The following SLC12A1 variants were observed in gnomAD, a reference collection of about 807,000 sequenced individuals.
The protein encoded by SLC12A1 is Na-K-2Cl cotransporter.
Under a neutral mutation model 130.4 loss-of-function variants are expected in SLC12A1, and 89 were observed. That is an observed-to-expected ratio of 0.68 (90% CI 0.58 to 0.81). SLC12A1 has a LOEUF of 0.81. SLC12A1 is among the 40% of genes least tolerant of loss of function. The pLI, the probability that SLC12A1 is intolerant of heterozygous loss-of-function variation, is 0.00. For synonymous variants in SLC12A1, 499 were observed against 460.0 expected (o/e 1.08, Z -1.09); for missense variants, 1,310 against 1,336.4 (o/e 0.98, Z 0.31).
intron 17 of SLC12A1, 147 bp from the exon 18 acceptor site, chr15:48,267,414 G>A: frequency 1.2e-6 from 1 of 811,400 alleles, no homozygotes; most frequent in Non-Finnish European, 1.9e-6. Context: ...GGCTGAATCT[G>A]TGGAACCCTG....
At chr15:48,233,078 G>C (rs1382458936) in intron 8 of SLC12A1, among the ~76,000 whole-genome samples, 1 of 152,160 alleles carries the variant, frequency 6.6e-6, no homozygotes, top group Non-Finnish European at 1.5e-5. Context: ...ATAGGTTTTA[G>C]AACCAGAAAA....
chr15:48,245,264 A>G (rs906762492), intron 11 of SLC12A1, among the ~76,000 whole-genome samples: 3 of 152,184 alleles, frequency 2.0e-5, no homozygotes, highest in Non-Finnish European at 4.4e-5. Flanking sequence ...TTTATTCCAG[A>G]TTCAGGGAGT....
chr15:48,260,422 C>T (rs1245061443), intron 17 of SLC12A1, among the ~76,000 whole-genome samples: 1 of 150,420 alleles, frequency 6.6e-6, no homozygotes, highest in Non-Finnish European at 1.5e-5. Flanking sequence ...TTTTATAGTA[C>T]TTAAGTACTT....
intron 2 of SLC12A1, among the ~76,000 whole-genome samples, chr15:48,220,131 GT>G (rs2041186093): frequency 9.5e-6 from 1 of 105,738 alleles, no homozygotes; most frequent in East Asian, 2.6e-4. Context: ...AAAAAAAAAG[GT>G]AGATAGATAG....
chr15:48,284,732 C>T (rs2042039843), intron 20 of SLC12A1, among the ~76,000 whole-genome samples: 1 of 152,158 alleles, frequency 6.6e-6, no homozygotes, highest in African/African-American at 2.4e-5. Context: ...CTCTACCTCC[C>T]AGGCTCAGGT....
chr15:48,259,769 C>G (rs1481151543), intron 17 of SLC12A1, among the ~76,000 whole-genome samples: 4 of 152,124 alleles, frequency 2.6e-5, no homozygotes, highest in African/African-American at 9.7e-5. Context: ...GATGACATTG[C>G]AGATACTCTA....
chr15:48,238,371 G>A (rs1338564740), intron 9 of SLC12A1, among the ~76,000 whole-genome samples: 1 of 152,204 alleles, frequency 6.6e-6, no homozygotes, highest in African/African-American at 2.4e-5. Flanking sequence ...ACATGGATGA[G>A]TTAATGCAGG....
chr15:48,234,214 G>T (rs896005824), intron 8 of SLC12A1, among the ~76,000 whole-genome samples: 7 of 152,034 alleles, frequency 4.6e-5, no homozygotes, highest in African/African-American at 1.7e-4. Flanking sequence ...AATGTGTGTG[G>T]TGGTGCATTT....
intron 24 of SLC12A1, among the ~76,000 whole-genome samples, chr15:48,292,530 T>C (rs905584510): frequency 2.0e-5 from 3 of 152,254 alleles, no homozygotes; most frequent in Non-Finnish European, 2.9e-5. Flanking sequence ...AGTGTCTTAG[T>C]TAGCTCAGGC....
At chr15:48,258,083 C>CATCT (rs1555384210) in intron 16 of SLC12A1, among the ~76,000 whole-genome samples, 1 of 70,576 alleles carries the variant, frequency 1.4e-5, no homozygotes, top group Non-Finnish European at 2.3e-5. Context: ...CCTTTACGGC[C>CATCT]GGGCGCGGTG....
chr15:48,215,453 AG>A (rs2041110143), intron 2 of SLC12A1, among the ~76,000 whole-genome samples: 1 of 152,248 alleles, frequency 6.6e-6, no homozygotes, highest in East Asian at 1.9e-4. Context: ...CATTTATAAA[AG>A]GTTATGGGTC....
At chr15:48,291,683 G>A (rs2042122912) in intron 23 of SLC12A1, 95 bp from the exon 24 acceptor site, 23 of 760,678 alleles carry the variant, frequency 3.0e-5, no homozygotes, top group East Asian at 5.4e-5. Context: ...GAAATAAGAC[G>A]TGATTGCTTT....
intron 25 of SLC12A1, among the ~76,000 whole-genome samples, chr15:48,300,165 C>G (rs1318230793): frequency 6.6e-6 from 1 of 151,872 alleles, no homozygotes; most frequent in Non-Finnish European, 1.5e-5. Context: ...AACCCCACCT[C>G]TACAAAAAAT....
chr15:48,244,767 C>T lies in SLC12A1; in HGVS notation c.1315C>T (p.Arg439Ter), dbSNP rs758291275. 1 of 1,613,766 alleles carries T rather than the reference C, an allele frequency of 6.2e-7. No homozygotes were observed. The highest frequency in any genetic ancestry group is 8.5e-7 in the Non-Finnish European group (1 of 1,179,848). The part of the protein sequence containing the change: ...VAICVGACVV[R>*]DATGNMNDTI... ...TGTTTCCACAGGGGCCTGTGTGGTC[C>T]GAGATGCCACCGGGAACATGAATGA... is the stretch of plus-strand genomic sequence containing the variant. Residue 439 changes from arginine (R) to a stop codon, truncating the protein, a stop_gained, in exon 11 of 27, where the codon CGA (arginine) becomes TGA (stop). Coordinates refer to ENST00000380993, the MANE Select transcript of SLC12A1 (RefSeq NM_000338.3). LOFTEE classifies it high-confidence loss of function.
At chr15:48,247,057 T>G (rs2041591295) in intron 12 of SLC12A1, 41 bp downstream of exon 12, 1 of 1,429,206 alleles carries the variant, frequency 7.0e-7, no homozygotes, top group Non-Finnish European at 9.9e-7. Context: ...CCTATTGCTA[T>G]TTCCACAGAA....
At chr15:48,284,955 A>T in intron 20 of SLC12A1, 151 bp from the exon 21 acceptor site, 2 of 524,540 alleles carry the variant, frequency 3.8e-6, no homozygotes, top group Non-Finnish European at 6.2e-6. Context: ...GTATTAGAAG[A>T]TAATATATAA....
chr15:48,266,445 C>CTTTTTT (rs67628277), intron 17 of SLC12A1, among the ~76,000 whole-genome samples: 1 of 144,442 alleles, frequency 6.9e-6, no homozygotes, highest in Non-Finnish European at 1.5e-5. Context: ...AAAGCCTGGG[C>CTTTTTT]TTTTTTTTTT....
intron 2 of SLC12A1, among the ~76,000 whole-genome samples, chr15:48,210,693 TAAAAAAA>T (rs34235092): frequency 8.2e-6 from 1 of 122,612 alleles, no homozygotes; most frequent in African/African-American, 3.1e-5. Flanking sequence ...CTTCTCTACT[TAAAAAAA>T]AAAAAAAAAA....
chr15:48,226,589 T>G lies in SLC12A1; in HGVS notation c.724+18T>G, dbSNP rs1287454922. ...TCGTGGAGGTAAAATCTCTAAGATA[T>G]CTAATGCCCTCATCACTTGCTACGG... On this transcript the variant is annotated intron_variant, in intron 5 of 26. Transcript: ENST00000380993. 2 of 1,476,070 alleles carry G rather than the reference T, an allele frequency of 1.4e-6. No homozygotes were observed. The highest frequency in any genetic ancestry group is 2.3e-5 in the South Asian group (2 of 86,754). 91.4% of individuals were successfully genotyped at this position (1,476,070 alleles called of 1,614,324 possible).
Sources: allele counts gnomAD v4.1 joint callset (sites outside exome capture counted in the v4.1 genomes callset), GRCh38; gene constraint gnomAD v4.1.1; transcripts MANE v1.5; gene names NCBI Gene and HGNC (gene_info 2026-07-23, HGNC 2026-07-21).